The following MYL4 variants were observed in gnomAD, a reference collection of about 807,000 sequenced individuals.
MYL4 encodes the protein myosin light chain 4, also known as atrial myosin light chain 1.
In MYL4, 16 loss-of-function variants were observed where a neutral mutation model predicts 21.6. That is an observed-to-expected ratio of 0.74 (90% CI 0.50 to 1.12). The LOEUF (loss-of-function observed/expected upper bound fraction) is 1.12. Ranked by LOEUF, MYL4 falls within the 50% of genes most tolerant of loss-of-function variation. MYL4 has a pLI of 0.00. For synonymous variants in MYL4, 82 were observed against 95.7 expected, an observed-to-expected ratio of 0.86 and a Z score of 0.83; for missense variants, 249 against 252.9, an observed-to-expected ratio of 0.98 and a Z score of 0.11.
intron 1 of MYL4, among the ~76,000 whole-genome samples, chr17:47,203,471 A>G (rs1301653954): frequency 6.6e-6 from 1 of 152,102 alleles, no homozygotes; most frequent in Non-Finnish European, 1.5e-5. Context: ...TTTTTCATAC[A>G]TAAGATATCT....
At chr17:47,218,858 G>A (rs1453749363) in intron 2 of MYL4, among the ~76,000 whole-genome samples, 1 of 152,198 alleles carries the variant, frequency 6.6e-6, no homozygotes, top group Non-Finnish European at 1.5e-5. Flanking sequence ...GACCAGGAGT[G>A]CCTTCCTTTG....
At chr17:47,218,041 CAAA>C (rs1200148257) in intron 2 of MYL4, among the ~76,000 whole-genome samples, 2 of 61,932 alleles carry the variant, frequency 3.2e-5, no homozygotes, top group Non-Finnish European at 3.4e-5. Context: ...AACTCCATCT[CAAA>C]AAAAAAAAAA....
rs1366120596 is a variant in MYL4 at position 47,219,924 on chromosome 17, T to C, written c.184T>C (p.Leu62=). The C allele has an allele frequency of 6.2e-7, 1 of 1,614,188 alleles. No homozygotes were observed. The part of the protein sequence containing the change: ...QIEEFKEAFS[L]FDRTPTGEMK... ...CACAGAGTTCAAAGAGGCCTTTTCA[T>C]TGTTTGACCGGACCCCGACTGGAGA... The change falls in exon 3 of 7, where the codon TTG becomes CTG. Residue 62 remains leucine (L), a synonymous_variant. Transcript: ENST00000393450.
Position 47,214,013 on chromosome 17 carries a change from C to G in MYL4, c.163+187C>G, listed in dbSNP as rs1430310710. 9.6e-6 allele frequency: 6 copies of G among 621,888 alleles called. No individual in the cohort carries two copies. The East Asian group carries it at 1.7e-4, about 17-fold the overall frequency. 38.5% of individuals were successfully genotyped at this position (621,888 alleles called of 1,614,324 possible). A position where few individuals can be genotyped will look rare whatever the true frequency, so the allele number is the denominator to read the frequency against. On this transcript the variant is annotated intron_variant, in intron 2 of 6. Transcript: ENST00000393450. ...CTAGGCACTTTATATGGATTAACTC[C>G]TTTAATTCTCATAACAACACCATGA...
chr17:47,219,832 T>C, intron 2 of MYL4, 72 bp from the exon 3 acceptor site: 1 of 1,579,184 alleles, frequency 6.3e-7, no homozygotes, highest in African/African-American at 1.3e-5. Flanking sequence ...TCAGCTTGGG[T>C]GGAGGCTGAT....
At chr17:47,216,703 T>G (rs900336311) in intron 2 of MYL4, among the ~76,000 whole-genome samples, 1 of 150,624 alleles carries the variant, frequency 6.6e-6, no homozygotes, top group Admixed American at 6.6e-5. Context: ...TTCTTTCTTT[T>G]TTTTTTTTGA....
downstream of MYL4, among the ~76,000 whole-genome samples, chr17:47,224,531 C>A (rs1410155030): frequency 6.6e-6 from 1 of 152,150 alleles, no homozygotes; most frequent in African/African-American, 2.4e-5. Context: ...AATAACTCCC[C>A]ATTCCCTCCT....
At chr17:47,221,980 C>A in intron 4 of MYL4, 125 bp downstream of exon 4, 1 of 1,100,260 alleles carries the variant, frequency 9.1e-7, no homozygotes, top group Non-Finnish European at 1.3e-6. Context: ...AGGATAATGA[C>A]CTGATCCAGG....
At chr17:47,194,816 C>T in the MYL4 span, among the ~76,000 whole-genome samples, 2 of 152,006 alleles carry the variant, frequency 1.3e-5, no homozygotes, top group Admixed American at 6.6e-5. Context: ...TGGAAGCTTA[C>T]TGTAGCCTTA....
intron 1 of MYL4, among the ~76,000 whole-genome samples, chr17:47,202,402 G>T (rs1346614579): frequency 6.6e-6 from 1 of 152,158 alleles, no homozygotes; most frequent in Non-Finnish European, 1.5e-5. Context: ...TTCATAAAAT[G>T]CACAGTCGAA....
At chr17:47,222,510 C>A in intron 5 of MYL4, 53 bp downstream of exon 5, 3 of 1,579,088 alleles carry the variant, frequency 1.9e-6, no homozygotes, top group East Asian at 2.2e-5. Context: ...AGGATGGGAA[C>A]AGCTTGGGTG....
In MYL4 at chr17:47,222,451, T is replaced by A. The variant is rs549012048; in HGVS notation, c.559T>A (p.Tyr187Asn). Residue 187 changes from tyrosine to asparagine, a missense_variant, in exon 5 of 7, where the codon TAT (tyrosine) becomes AAT (asparagine). Tyr to Asn is a moderately radical substitution (Grantham distance 143, BLOSUM62 -2). Transcript: ENST00000393450. ...GQEDANGCINYEAFVKHIMSG is the reference protein window; with the variant it reads ...GQEDANGCINNEAFVKHIMSG ...AGAGGATGCCAATGGCTGCATCAATTATGAAGGTATTAAGCCGCGCCTTGC... is the reference window on the plus strand; with the variant it reads ...AGAGGATGCCAATGGCTGCATCAATAATGAAGGTATTAAGCCGCGCCTTGC... The A allele has an allele frequency of 1.9e-6, 3 of 1,613,896 alleles. No homozygotes were observed. The highest frequency in any genetic ancestry group is 2.5e-6 in the Non-Finnish European group (3 of 1,179,952).
At chr17:47,215,598 G>A (rs913140278) in intron 2 of MYL4, among the ~76,000 whole-genome samples, 5 of 152,176 alleles carry the variant, frequency 3.3e-5, no homozygotes, top group Admixed American at 6.5e-5. Flanking sequence ...TTGGCCATGA[G>A]ACTTCGGACA....
upstream of MYL4, among the ~76,000 whole-genome samples, chr17:47,207,289 G>T (rs1457629002): frequency 1.3e-5 from 2 of 152,214 alleles, no homozygotes; most frequent in Non-Finnish European, 2.9e-5. Context: ...GCAGTGAAGA[G>T]CAGTGTGCTA....
chr17:47,221,945 G>A, intron 4 of MYL4, 90 bp downstream of exon 4: 1 of 1,388,968 alleles, frequency 7.2e-7, no homozygotes, highest in Non-Finnish European at 9.8e-7. Context: ...GGTGGGGGGT[G>A]GTATACAAGG....
chr17:47,199,697 C>CATATTGTA (rs1382541428), upstream of MYL4, among the ~76,000 whole-genome samples: 1 of 147,290 alleles, frequency 6.8e-6, no homozygotes, highest in Non-Finnish European at 1.5e-5. Context: ...AAAGTACCTG[C>CATATTGTA]ATATTGTAGG....
chr17:47,212,746 C>T (rs891860586), intron 1 of MYL4, among the ~76,000 whole-genome samples: 3 of 152,192 alleles, frequency 2.0e-5, no homozygotes, highest in Non-Finnish European at 4.4e-5. Context: ...TCTTATCAAG[C>T]TGGCTGAAAC....
At chr17:47,206,882 C>A (rs2064730064), upstream of MYL4, among the ~76,000 whole-genome samples, 1 of 152,140 alleles carries the variant, frequency 6.6e-6, no homozygotes, top group African/African-American at 2.4e-5. Flanking sequence ...AGGATGCAGT[C>A]CAGGAAGGGA....
upstream of MYL4, among the ~76,000 whole-genome samples, chr17:47,196,526 T>C (rs1010088641): frequency 6.6e-6 from 1 of 152,228 alleles, no homozygotes; most frequent in African/African-American, 2.4e-5. Flanking sequence ...TGTAGAAAAT[T>C]CTTAAGAAAT....
Sources: allele counts gnomAD v4.1 joint callset (sites outside exome capture counted in the v4.1 genomes callset), GRCh38; gene constraint gnomAD v4.1.1; transcripts MANE v1.5; gene names NCBI Gene and HGNC (gene_info 2026-07-23, HGNC 2026-07-21).